ARHGAP42: variants seen among roughly 807,000 people sequenced by gnomAD.
ARHGAP42 encodes the protein rho GTPase-activating protein 42.
In ARHGAP42, 63 loss-of-function variants were observed where a neutral mutation model predicts 125.0. The ratio of observed to expected loss-of-function variants is 0.50; its 90% confidence interval spans 0.41 to 0.62. The LOEUF (loss-of-function observed/expected upper bound fraction) is 0.62. ARHGAP42 is among the 20% of genes least tolerant of loss of function. The pLI, the probability that ARHGAP42 is intolerant of heterozygous loss-of-function variation, is 0.00. For synonymous variants in ARHGAP42, 339 were observed against 351.0 expected (o/e 0.97, Z 0.38); for missense variants, 766 against 1,024.2 (o/e 0.75, Z 3.44).
intron 2 of ARHGAP42, among the ~76,000 whole-genome samples, chr11:100,776,020 G>A (rs1186758449): frequency 6.6e-6 from 1 of 152,110 alleles, no homozygotes; most frequent in East Asian, 1.9e-4. Context: ...TTAGCCAGGA[G>A]TGGTGGTGAA....
intron 1 of ARHGAP42, among the ~76,000 whole-genome samples, chr11:100,762,390 G>A (rs1862725892): frequency 6.6e-6 from 1 of 152,132 alleles, no homozygotes; most frequent in South Asian, 2.1e-4. Context: ...TGGTAATTCT[G>A]TCTTCAGTGA....
Position 100,693,191 on chromosome 11 carries a change from G to A in ARHGAP42, c.154+5359G>A, listed in dbSNP as rs571854034. Among the ~76,000 whole-genome samples, 185 of 148,016 alleles carry A rather than the reference G, an allele frequency of 1.2e-3. 1 individual carries two copies. The highest frequency in any genetic ancestry group is 4.4e-3 in the African/African-American group (176 of 39,914). On this transcript the variant is annotated intron_variant, in intron 1 of 23. Coordinates refer to ENST00000298815, the MANE Select transcript of ARHGAP42 (RefSeq NM_152432.4). Reference sequence around the variant, plus strand: ...TTTTTTTTTTGAAGTGGAACTCATCGCAGATTCCTGTTTGTTTTGTGAGAG... The same window carrying A: ...TTTTTTTTTTGAAGTGGAACTCATCACAGATTCCTGTTTGTTTTGTGAGAG...
chr11:100,848,073 C>G (rs1565240230), intron 3 of ARHGAP42, among the ~76,000 whole-genome samples: 1 of 152,030 alleles, frequency 6.6e-6, no homozygotes, highest in South Asian at 2.1e-4. Flanking sequence ...AAGATAACAC[C>G]TAGGTGCTCT....
chr11:100,924,204 T>C (rs1320461693), intron 6 of ARHGAP42, among the ~76,000 whole-genome samples: 2 of 152,112 alleles, frequency 1.3e-5, no homozygotes, highest in Non-Finnish European at 2.9e-5. Flanking sequence ...ATCTATCTTC[T>C]ACAGATTGTA....
At chr11:100,734,256 T>G (rs1241152552) in intron 1 of ARHGAP42, among the ~76,000 whole-genome samples, 1 of 151,312 alleles carries the variant, frequency 6.6e-6, no homozygotes, top group Non-Finnish European at 1.5e-5. Flanking sequence ...TTATGATTGT[T>G]ATCCGTGAAA....
chr11:100,899,734 G>GTTTTTTTTTTTTT (rs1439404512), intron 4 of ARHGAP42, among the ~76,000 whole-genome samples: 4 of 63,794 alleles, frequency 6.3e-5, no homozygotes, highest in East Asian at 2.7e-4. Context: ...TTTTTTTTTT[G>GTTTTTTTTTTTTT]TTTTTTTTTG....
At chr11:100,837,372 G>A (rs985509735) in intron 3 of ARHGAP42, among the ~76,000 whole-genome samples, 4 of 151,446 alleles carry the variant, frequency 2.6e-5, no homozygotes, top group Non-Finnish European at 5.9e-5. Context: ...TCTTGGCTTT[G>A]GACATCAAAA....
intron 4 of ARHGAP42, among the ~76,000 whole-genome samples, chr11:100,878,444 C>G (rs980114395): frequency 2.6e-5 from 4 of 152,156 alleles, no homozygotes. Context: ...TGTACCCTTA[C>G]CAATCAAACT....
intron 8 of ARHGAP42, among the ~76,000 whole-genome samples, chr11:100,936,857 A>C (rs1400609070): frequency 6.6e-6 from 1 of 152,196 alleles, no homozygotes; most frequent in Non-Finnish European, 1.5e-5. Context: ...TTTTCTCACA[A>C]AAATATTAAA....
At chr11:100,826,485 C>T (rs962966725) in intron 3 of ARHGAP42, among the ~76,000 whole-genome samples, 1 of 152,158 alleles carries the variant, frequency 6.6e-6, no homozygotes, top group Non-Finnish European at 1.5e-5. Flanking sequence ...CAAGACTATA[C>T]AGATGTAACT....
chr11:100,944,623 C>T (rs780680191), intron 10 of ARHGAP42, among the ~76,000 whole-genome samples: 102 of 151,194 alleles, frequency 6.7e-4, no homozygotes, highest in Admixed American at 1.4e-3. Flanking sequence ...TGTAATAAAG[C>T]GAATATCATA....
At chr11:100,903,395 G>A (rs1415158969) in intron 4 of ARHGAP42, among the ~76,000 whole-genome samples, 1 of 151,850 alleles carries the variant, frequency 6.6e-6, no homozygotes, top group Non-Finnish European at 1.5e-5. Flanking sequence ...CAGGTTCTTT[G>A]TCATCCCGGA....
At chr11:100,742,268 T>C (rs1334064058) in intron 1 of ARHGAP42, among the ~76,000 whole-genome samples, 1 of 152,216 alleles carries the variant, frequency 6.6e-6, no homozygotes, top group Non-Finnish European at 1.5e-5. Context: ...CAAACTGGCA[T>C]CAGTGTCTTC....
intron 1 of ARHGAP42, among the ~76,000 whole-genome samples, chr11:100,748,142 A>G (rs1323653082): frequency 6.6e-6 from 1 of 152,172 alleles, no homozygotes; most frequent in Non-Finnish European, 1.5e-5. Flanking sequence ...AAAACCTTGT[A>G]AGTTTGGGAT....
intron 1 of ARHGAP42, among the ~76,000 whole-genome samples, chr11:100,714,344 C>T (rs192566669): frequency 6.6e-6 from 1 of 152,098 alleles, no homozygotes; most frequent in East Asian, 1.9e-4. Context: ...AAAGGGCTAA[C>T]AGGGAATTGA....
intron 4 of ARHGAP42, among the ~76,000 whole-genome samples, chr11:100,911,698 C>A (rs1160764997): frequency 2.0e-5 from 3 of 152,098 alleles, no homozygotes; most frequent in Admixed American, 2.0e-4. Flanking sequence ...GGTATCTACT[C>A]CAACAGTGAG....
At chr11:100,912,955 CTT>C (rs149074429) in intron 4 of ARHGAP42, among the ~76,000 whole-genome samples, 3,561 of 152,240 alleles carry the variant, frequency 0.023, 60 homozygotes, top group Non-Finnish European at 0.038. Flanking sequence ...TTTCAGGTGT[CTT>C]TTGTGGCTAA....
intron 3 of ARHGAP42, among the ~76,000 whole-genome samples, chr11:100,833,718 G>A (rs985365705): frequency 2.6e-5 from 4 of 151,982 alleles, no homozygotes; most frequent in African/African-American, 7.2e-5. Context: ...CTGACTTATC[G>A]CCTCGTATTG....
At chr11:100,959,781 C>G (rs1222421261) in intron 12 of ARHGAP42, 102 bp from the exon 13 acceptor site, 1 of 1,078,558 alleles carries the variant, frequency 9.3e-7, no homozygotes, top group Admixed American at 2.3e-5. Flanking sequence ...TCAGAAAAAA[C>G]CTCTCTACTG....
Sources: allele counts gnomAD v4.1 joint callset (sites outside exome capture counted in the v4.1 genomes callset), GRCh38; gene constraint gnomAD v4.1.1; transcripts MANE v1.5; gene names NCBI Gene and HGNC (gene_info 2026-07-23, HGNC 2026-07-21).